Variants in C8orf34 observed in about 807,000 individuals in gnomAD.
C8orf34 encodes uncharacterized protein C8orf34.
Under a neutral mutation model 68.3 loss-of-function variants are expected in C8orf34, and 65 were observed. The observed-to-expected ratio is 0.95, with a 90% CI of 0.78 to 1.17. The LOEUF is 1.17. Among genes scored for constraint, C8orf34 ranks in the 50% most tolerant of loss-of-function variants. The pLI, the probability that C8orf34 is intolerant of heterozygous loss-of-function variation, is 0.00. For synonymous variants in C8orf34, 244 were observed against 241.2 expected, an observed-to-expected ratio of 1.01 and a Z score of -0.11; for missense variants, 664 against 655.4, an observed-to-expected ratio of 1.01 and a Z score of -0.14.
At chr8:68,736,331 C>T (rs779537218) in intron 10 of C8orf34, among the ~76,000 whole-genome samples, 16 of 151,970 alleles carry the variant, frequency 1.1e-4, no homozygotes, top group Non-Finnish European at 1.8e-4. Context: ...TTCAACAAAC[C>T]TAGAAGTTAG....
chr8:68,524,516 C>T (rs183986812), intron 6 of C8orf34, among the ~76,000 whole-genome samples: 1 of 152,088 alleles, frequency 6.6e-6, no homozygotes, highest in African/African-American at 2.4e-5. Context: ...CAAAGCAGTT[C>T]AGAATTAAGA....
At chr8:68,462,588 T>C (rs1437086779) in intron 3 of C8orf34, among the ~76,000 whole-genome samples, 1 of 151,644 alleles carries the variant, frequency 6.6e-6, no homozygotes, top group Non-Finnish European at 1.5e-5. Flanking sequence ...TATAACACAC[T>C]GTCTCTCAGA....
intron 3 of C8orf34, among the ~76,000 whole-genome samples, chr8:68,464,252 G>A (rs1172649740): frequency 6.6e-6 from 1 of 151,976 alleles, no homozygotes; most frequent in Non-Finnish European, 1.5e-5. Flanking sequence ...GGGATGTGAA[G>A]GACCTCTTCA....
intron 8 of C8orf34, 51 bp from the exon 9 acceptor site, chr8:68,708,943 T>C (rs973634291): frequency 1.5e-6 from 2 of 1,343,960 alleles, no homozygotes; most frequent in South Asian, 2.5e-5. Flanking sequence ...TAGTTCACAT[T>C]TCACAATTTA....
At chr8:68,676,185 T>G (rs1820184727) in intron 8 of C8orf34, among the ~76,000 whole-genome samples, 1 of 151,730 alleles carries the variant, frequency 6.6e-6, no homozygotes, top group Admixed American at 6.6e-5. Flanking sequence ...AACAGAAAAA[T>G]TATCCAGGTG....
chr8:68,658,438 C>T (rs773026123), intron 8 of C8orf34, among the ~76,000 whole-genome samples: 1 of 152,116 alleles, frequency 6.6e-6, no homozygotes, highest in Non-Finnish European at 1.5e-5. Flanking sequence ...TTTATTTCTG[C>T]AAACTCTTAA....
chr8:68,422,828 G>A (rs1303081994), intron 1 of C8orf34, among the ~76,000 whole-genome samples: 1 of 152,166 alleles, frequency 6.6e-6, no homozygotes, highest in Non-Finnish European at 1.5e-5. Context: ...CTGGGCAGAG[G>A]TTCCCAAACC....
intron 7 of C8orf34, among the ~76,000 whole-genome samples, chr8:68,587,921 A>G (rs374984514): frequency 2.7e-4 from 41 of 152,300 alleles, no homozygotes; most frequent in African/African-American, 9.1e-4. Context: ...TTCAAAGCAT[A>G]AAGTGTATGT....
intron 3 of C8orf34, among the ~76,000 whole-genome samples, chr8:68,461,559 C>T: frequency 6.6e-6 from 1 of 152,210 alleles, no homozygotes; most frequent in Non-Finnish European, 1.5e-5. Context: ...GGGTTACCCT[C>T]AAAGGGGAGC....
intron 10 of C8orf34, among the ~76,000 whole-genome samples, chr8:68,747,724 G>T (rs1352990565): frequency 7.9e-5 from 12 of 151,858 alleles, no homozygotes; most frequent in South Asian, 6.2e-4. Flanking sequence ...CACTGCTCAA[G>T]GAAATAAAAG....
intron 12 of C8orf34, among the ~76,000 whole-genome samples, chr8:68,796,693 T>C (rs1023836048): frequency 6.6e-6 from 1 of 152,198 alleles, no homozygotes; most frequent in Non-Finnish European, 1.5e-5. Context: ...TGTCCATTAT[T>C]GGACTTGAGG....
At chr8:68,612,199 A>T (rs1004990691) in intron 7 of C8orf34, among the ~76,000 whole-genome samples, 7 of 152,156 alleles carry the variant, frequency 4.6e-5, no homozygotes, top group African/African-American at 1.7e-4. Flanking sequence ...AATATCACTA[A>T]CATTTATGGG....
At position 68,478,038 on chromosome 8, in the gene C8orf34, T is replaced by A. The variant is rs1563472734; in HGVS notation, c.736+9218T>A. ...ACCTCTGACATGCCCTGGAGACATT[T>A]TCCCCATTGTCTTGGTGAATAGCAT... is the stretch of plus-strand genomic sequence containing the variant. On this transcript the variant is annotated intron_variant, in intron 4 of 13. Coordinates refer to ENST00000518698, the MANE Select transcript of C8orf34 (RefSeq NM_052958.4). Among the ~76,000 whole-genome samples, 3 of 152,220 alleles carry A rather than the reference T, an allele frequency of 2.0e-5. No homozygotes were observed. The South Asian group carries it at 6.2e-4, about 31-fold the overall frequency.
chr8:68,737,758 C>T lies in C8orf34; in HGVS notation c.1404+16321C>T, dbSNP rs78620184. Among the ~76,000 whole-genome samples the T allele has an allele frequency of 7.2e-5, 11 of 152,096 alleles. No homozygotes were observed. In the East Asian group the frequency reaches 2.1e-3, roughly 29 times the overall value. ...ATACATGCACCTAACATAGGAGCAG[C>T]CACATTCATAAAGCAAGTTCTGAGA... On this transcript the variant is annotated intron_variant, in intron 10 of 13. Coordinates refer to ENST00000518698, the MANE Select transcript of C8orf34 (RefSeq NM_052958.4).
chr8:68,731,672 A>G (rs1325241960), intron 10 of C8orf34, among the ~76,000 whole-genome samples: 1 of 152,238 alleles, frequency 6.6e-6, no homozygotes, highest in African/African-American at 2.4e-5. Flanking sequence ...CAATAAGCAT[A>G]TTCTTACATA....
intron 8 of C8orf34, among the ~76,000 whole-genome samples, chr8:68,702,130 G>A (rs1376067447): frequency 6.6e-6 from 1 of 151,988 alleles, no homozygotes; most frequent in Non-Finnish European, 1.5e-5. Context: ...TCGGCATAAT[G>A]TAATCTCCAT....
At chr8:68,635,562 C>T (rs1287396006) in intron 7 of C8orf34, among the ~76,000 whole-genome samples, 1 of 152,172 alleles carries the variant, frequency 6.6e-6, no homozygotes, top group Non-Finnish European at 1.5e-5. Context: ...TTCTTTTTAA[C>T]AGATGTACCC....
chr8:68,442,581 C>A (rs1290228729), intron 2 of C8orf34, among the ~76,000 whole-genome samples: 1 of 151,988 alleles, frequency 6.6e-6, no homozygotes. Flanking sequence ...CAGAGAAAGC[C>A]AATCAAAACT....
At chr8:68,776,899 C>T (rs1230729282) in intron 11 of C8orf34, among the ~76,000 whole-genome samples, 1 of 152,202 alleles carries the variant, frequency 6.6e-6, no homozygotes, top group Non-Finnish European at 1.5e-5. Context: ...GCTATCCCAA[C>T]AATTAAATAT....
Sources: allele counts gnomAD v4.1 joint callset (sites outside exome capture counted in the v4.1 genomes callset), GRCh38; gene constraint gnomAD v4.1.1; transcripts MANE v1.5; gene names NCBI Gene and HGNC (gene_info 2026-07-23, HGNC 2026-07-21).